LMF1: variants seen among roughly 807,000 people sequenced by gnomAD.
LMF1 encodes the protein transmembrane protein 112.
In LMF1, 68 loss-of-function variants were observed where a neutral mutation model predicts 60.6. That is an observed-to-expected ratio of 1.12 (90% CI 0.92 to 1.37). The LOEUF is 1.37. LMF1 is among the 40% of genes most tolerant of loss of function. The probability of loss-of-function intolerance (pLI) is 0.00; values close to 1 mark genes in which losing one functional copy is unlikely to be tolerated. For missense variants in LMF1, 948 were observed against 767.2 expected, an observed-to-expected ratio of 1.24 and a Z score of -2.78; for synonymous variants, 418 against 324.7, an observed-to-expected ratio of 1.29 and a Z score of -3.09.
chr16:970,419 C>T (rs2073017237), intron 1 of LMF1, among the ~76,000 whole-genome samples: 1 of 152,120 alleles, frequency 6.6e-6, no homozygotes, highest in East Asian at 1.9e-4. Context: ...TGCGCACGGA[C>T]GGGTGACCCT....
intron 2 of LMF1, among the ~76,000 whole-genome samples, chr16:940,246 T>C (rs1170167995): frequency 1.3e-5 from 2 of 152,128 alleles, no homozygotes; most frequent in Non-Finnish European, 2.9e-5. Context: ...CCTCAAGAAC[T>C]GTGGAAGAGT....
rs1026103435 is a variant in LMF1, at chr16:917,488, C to T, written c.515-6409G>A. On this transcript the variant is annotated intron_variant, in intron 3 of 10. Transcript: ENST00000262301. ...GCCACACGTGTGCGCTGCGGGCGGG[C>T]GCAGGCCCACGTGAAGAAATGCCAC... Among the ~76,000 whole-genome samples the T allele has an allele frequency of 9.0e-3, 1,164 of 128,894 alleles. 22 individuals are homozygous for T. The highest frequency in any genetic ancestry group is 0.04 in the African/African-American group (1,062 of 26,600). The allele number at this position is 128,894 out of a possible 152,430, so 84.6% of individuals were successfully genotyped here.
At position 897,361 on chromosome 16, in the gene LMF1, C is replaced by CTAG. The variant is rs2070694913; in HGVS notation, c.664-4290_664-4289insCTA. Among the ~76,000 whole-genome samples, 1 of 152,228 alleles carries CTAG rather than the reference C, an allele frequency of 6.6e-6. No homozygotes were observed. Among genetic ancestry groups the CTAG allele is most frequent in the African/African-American group, 2.4e-5 (1 of 41,466 alleles). ...CAGTGGCTCAGGACAGACCCCCAGC[C>CTAG]CCTACAGTCCCCGAAAGCACCGGCT... On this transcript the variant is annotated intron_variant, in intron 4 of 10. Coordinates refer to ENST00000262301, the MANE Select transcript of LMF1 (RefSeq NM_022773.4). The surrounding 1 kb of genome is among the most constrained non-coding windows in gnomAD (Gnocchi z 4.3).
In LMF1 at chr16:965,503, C is replaced by T. The variant is rs575924694; in HGVS notation, c.193+5285G>A. Among the ~76,000 whole-genome samples, 3 of 152,264 alleles carry T rather than the reference C, an allele frequency of 2.0e-5. No homozygotes were observed. The South Asian group carries it at 6.2e-4, about 32-fold the overall frequency. ...AGAGCAAAGGTGGAGAGCAGGAGGG[C>T]AAGGCACTGAGACTTTAGAAGCTTC... On this transcript the variant is annotated intron_variant, in intron 1 of 10. Transcript: ENST00000262301.
At chr16:909,422 C>T (rs1306139988) in intron 4 of LMF1, among the ~76,000 whole-genome samples, 3 of 152,204 alleles carry the variant, frequency 2.0e-5, no homozygotes, top group African/African-American at 7.2e-5. Flanking sequence ...AAACACTACA[C>T]CAAGCCACGC....
chr16:868,787 G>GAC (rs2069685039), intron 10 of LMF1, among the ~76,000 whole-genome samples, 157 bp downstream of exon 10: 1 of 140,206 alleles, frequency 7.1e-6, no homozygotes, highest in Admixed American at 7.0e-5. Flanking sequence ...GGGGGGGGGG[G>GAC]GCCCTTTTTG....
intron 2 of LMF1, among the ~76,000 whole-genome samples, chr16:937,127 C>T (rs1310801668): frequency 6.6e-6 from 1 of 152,228 alleles, no homozygotes; most frequent in African/African-American, 2.4e-5. Flanking sequence ...ATGCATTCTT[C>T]TGTCACTTCA....
At chr16:895,521 C>T (rs757982673) in intron 4 of LMF1, among the ~76,000 whole-genome samples, 9 of 152,152 alleles carry the variant, frequency 5.9e-5, no homozygotes, top group Non-Finnish European at 1.0e-4. Context: ...TACATGTGAC[C>T]GAGAAGGCAG....
chr16:875,499 C>T (rs1417197178), intron 6 of LMF1, among the ~76,000 whole-genome samples: 2 of 152,218 alleles, frequency 1.3e-5, no homozygotes, highest in African/African-American at 4.8e-5. Flanking sequence ...CCCACTTTCT[C>T]CATTTACTTA....
intron 2 of LMF1, among the ~76,000 whole-genome samples, chr16:951,902 G>C (rs944293772): frequency 6.6e-6 from 1 of 152,218 alleles, no homozygotes; most frequent in East Asian, 1.9e-4. Context: ...CGTGATGTGC[G>C]GGGGAGGTGC....
At chr16:939,127 G>C (rs1256522648) in intron 2 of LMF1, among the ~76,000 whole-genome samples, 2 of 152,130 alleles carry the variant, frequency 1.3e-5, no homozygotes, top group Non-Finnish European at 2.9e-5. Context: ...GAAACAACAA[G>C]AGCAAAACCA....
chr16:965,054 T>C (rs1209546491), intron 1 of LMF1, among the ~76,000 whole-genome samples: 1 of 152,170 alleles, frequency 6.6e-6, no homozygotes, highest in Non-Finnish European at 1.5e-5. Flanking sequence ...AGGACTCCAA[T>C]GTGACAATGT....
chr16:972,771 C>G (rs142130237), upstream of LMF1, among the ~76,000 whole-genome samples: 2 of 152,392 alleles, frequency 1.3e-5, no homozygotes, highest in Non-Finnish European at 2.9e-5. Context: ...AAAAGGGCCT[C>G]TTGTTCCAGC....
At chr16:954,888 C>T (rs1027841608) in intron 1 of LMF1, among the ~76,000 whole-genome samples, 7 of 144,532 alleles carry the variant, frequency 4.8e-5, no homozygotes, top group Admixed American at 2.1e-4. Flanking sequence ...TGTGCATACA[C>T]GCATACACAT....
At chr16:919,058 G>A (rs1379223517) in intron 3 of LMF1, among the ~76,000 whole-genome samples, 1 of 152,156 alleles carries the variant, frequency 6.6e-6, no homozygotes, top group Non-Finnish European at 1.5e-5. Flanking sequence ...TGTGACACCT[G>A]TGTGGGCAGT....
intron 10 of LMF1, among the ~76,000 whole-genome samples, chr16:862,966 G>C (rs956835149): frequency 2.0e-5 from 3 of 152,104 alleles, no homozygotes; most frequent in African/African-American, 4.8e-5. Flanking sequence ...TCTGAGCCTG[G>C]ATATTTCTTT....
chr16:893,284 G>T (rs2070545371), intron 4 of LMF1: 2 of 664,474 alleles, frequency 3.0e-6, no homozygotes, highest in African/African-American at 1.8e-5. Flanking sequence ...CAGGAGTTTA[G>T]TGCACACCGC....
At chr16:863,903 C>G (rs2069538907) in intron 10 of LMF1, among the ~76,000 whole-genome samples, 1 of 152,218 alleles carries the variant, frequency 6.6e-6, no homozygotes, top group East Asian at 1.9e-4. Flanking sequence ...TTAACTACAT[C>G]CCAGAAAATG....
chr16:871,111 A>G (rs1207940288), intron 7 of LMF1, 50 bp downstream of exon 7: 1 of 1,496,022 alleles, frequency 6.7e-7, no homozygotes. Context: ...GGCTGGCACC[A>G]CCCGACTTTC....
Sources: allele counts gnomAD v4.1 joint callset (sites outside exome capture counted in the v4.1 genomes callset), GRCh38; gene constraint gnomAD v4.1.1; non-coding constraint Gnocchi (gnomAD v3.1); transcripts MANE v1.5; gene names NCBI Gene and HGNC (gene_info 2026-07-23, HGNC 2026-07-21).